Variants in CNTNAP2 observed in about 807,000 individuals in gnomAD.
CNTNAP2 encodes the protein contactin-associated protein-like 2.
In CNTNAP2, 98 loss-of-function variants were observed where a neutral mutation model predicts 155.2. That is an observed-to-expected ratio of 0.63 (90% confidence interval 0.54 to 0.75). CNTNAP2 has a LOEUF of 0.75. Ranked by LOEUF, CNTNAP2 falls within the 30% of genes least tolerant of loss-of-function variation. The pLI is 0.00. For synonymous variants in CNTNAP2, 651 were observed against 631.2 expected (o/e 1.03, Z -0.47); for missense variants, 1,727 against 1,688.1 (o/e 1.02, Z -0.40).
chr7:148,331,724 T>TGGAA (rs1563045945), intron 21 of CNTNAP2, among the ~76,000 whole-genome samples: 1 of 29,688 alleles, frequency 3.4e-5, no homozygotes, highest in Admixed American at 3.3e-4. Context: ...GACGGATGGA[T>TGGAA]TGGATGGATG....
At chr7:146,727,742 G>C (rs1314281671) in intron 1 of CNTNAP2, among the ~76,000 whole-genome samples, 1 of 152,134 alleles carries the variant, frequency 6.6e-6, no homozygotes, top group African/African-American at 2.4e-5. Context: ...TTATAGAAGC[G>C]TATGTGTAAT....
At chr7:146,536,064 T>C (rs1797864459) in intron 1 of CNTNAP2, among the ~76,000 whole-genome samples, 1 of 152,136 alleles carries the variant, frequency 6.6e-6, no homozygotes, top group African/African-American at 2.4e-5. Context: ...TATTTTCTCC[T>C]TTCTCCCTCA....
chr7:147,883,920 G>A (rs1799563983), intron 13 of CNTNAP2, among the ~76,000 whole-genome samples: 1 of 151,928 alleles, frequency 6.6e-6, no homozygotes, highest in Non-Finnish European at 1.5e-5. Flanking sequence ...CTAGTGGGAG[G>A]GGACAAAATA....
intron 2 of CNTNAP2, among the ~76,000 whole-genome samples, chr7:146,812,012 T>C (rs1449646581): frequency 6.6e-6 from 1 of 152,154 alleles, no homozygotes; most frequent in Non-Finnish European, 1.5e-5. Flanking sequence ...GTCTCAGGTA[T>C]GTCTTTATTG....
rs370131860 is a variant in CNTNAP2, at chr7:148,210,107, A to T, written c.3011-7181A>T. ...ATTAAAAAGACTGAGTGCTAGCCAG[A>T]GGAAAATAGAGGTTCAGGGTAGGGG... On this transcript the variant is annotated intron_variant, in intron 18 of 23. Transcript: ENST00000361727. Among the ~76,000 whole-genome samples, 5 of 151,968 alleles carry T rather than the reference A, an allele frequency of 3.3e-5. No homozygotes were observed. In the East Asian group the frequency reaches 9.6e-4, roughly 29 times the overall value.
chr7:147,880,966 G>C (rs1321924006), intron 13 of CNTNAP2, among the ~76,000 whole-genome samples: 1 of 151,104 alleles, frequency 6.6e-6, no homozygotes, highest in Non-Finnish European at 1.5e-5. Flanking sequence ...AAATAATAAT[G>C]TACATCTCCT....
At chr7:146,700,528 T>A (rs932339358) in intron 1 of CNTNAP2, among the ~76,000 whole-genome samples, 3 of 152,086 alleles carry the variant, frequency 2.0e-5, no homozygotes, top group Non-Finnish European at 4.4e-5. Flanking sequence ...CTAAAGGCAT[T>A]GTACATGTAT....
chr7:147,473,178 G>A (rs1798258096), intron 10 of CNTNAP2, among the ~76,000 whole-genome samples: 1 of 152,182 alleles, frequency 6.6e-6, no homozygotes, highest in East Asian at 1.9e-4. Flanking sequence ...GTTGACTGAA[G>A]TGTTAAGAGC....
intron 3 of CNTNAP2, among the ~76,000 whole-genome samples, chr7:146,903,729 G>T (rs1014181097): frequency 6.6e-6 from 1 of 152,266 alleles, no homozygotes; most frequent in South Asian, 2.1e-4. Context: ...GAAAGGATGG[G>T]CAAAGAGAAG....
intron 1 of CNTNAP2, among the ~76,000 whole-genome samples, chr7:146,372,615 G>C (rs547813661): frequency 6.6e-6 from 1 of 151,874 alleles, no homozygotes; most frequent in Non-Finnish European, 1.5e-5. Flanking sequence ...AAAGAGGCGA[G>C]TAAGAGGCGA....
chr7:146,574,232 A>AT (rs1226488618), intron 1 of CNTNAP2, among the ~76,000 whole-genome samples: 1 of 151,878 alleles, frequency 6.6e-6, no homozygotes, highest in African/African-American at 2.4e-5. Flanking sequence ...AATAACACGC[A>AT]TTTTTCTTCA....
At chr7:148,280,975 A>G (rs1327739616) in intron 21 of CNTNAP2, among the ~76,000 whole-genome samples, 1 of 152,046 alleles carries the variant, frequency 6.6e-6, no homozygotes, top group Non-Finnish European at 1.5e-5. Context: ...GACCAAGTCC[A>G]CCTTCTTCTG....
chr7:147,646,361 T>C (rs1584877461), intron 13 of CNTNAP2, among the ~76,000 whole-genome samples: 1 of 152,210 alleles, frequency 6.6e-6, no homozygotes, highest in Non-Finnish European at 1.5e-5. Context: ...GGTTTTTATG[T>C]GATCTGTGAT....
At chr7:147,115,787 C>A (rs1342681191) in intron 5 of CNTNAP2, among the ~76,000 whole-genome samples, 2 of 152,034 alleles carry the variant, frequency 1.3e-5, no homozygotes, top group Non-Finnish European at 2.9e-5. Flanking sequence ...TTGTTATTAC[C>A]CACCTTCTGC....
rs988651345 is a variant in CNTNAP2 at position 146,659,165 on chromosome 7, A to G, written c.98-115106A>G. 4.6e-5 allele frequency among the ~76,000 whole-genome samples: 7 copies of G among 152,330 alleles called. No homozygotes were observed. The East Asian group carries it at 1.4e-3, about 29-fold the overall frequency. ...TAGAAATTTTAGTTTTCTTATTCTC[A>G]GTGATTAAAGAAAAGGGCGCAGAGA... On this transcript the variant is annotated intron_variant, in intron 1 of 23. Transcript: ENST00000361727.
intron 4 of CNTNAP2, among the ~76,000 whole-genome samples, chr7:147,086,877 C>G (rs145662150): frequency 6.6e-6 from 1 of 152,252 alleles, no homozygotes; most frequent in East Asian, 1.9e-4. Context: ...CAAGATGAAA[C>G]TTCAGAAAAG....
At chr7:146,183,949 T>C (rs1798586357) in intron 1 of CNTNAP2, among the ~76,000 whole-genome samples, 1 of 152,208 alleles carries the variant, frequency 6.6e-6, no homozygotes, top group Non-Finnish European at 1.5e-5. Flanking sequence ...GGCTCTTTAC[T>C]TTGGGCACAG....
At chr7:146,771,635 C>T (rs1802294292) in intron 1 of CNTNAP2, among the ~76,000 whole-genome samples, 1 of 152,124 alleles carries the variant, frequency 6.6e-6, no homozygotes, top group Non-Finnish European at 1.5e-5. Context: ...TTCACAGAGG[C>T]ACGCAGTATA....
chr7:146,811,936 C>T (rs934705703), intron 2 of CNTNAP2, among the ~76,000 whole-genome samples: 24 of 152,246 alleles, frequency 1.6e-4, no homozygotes, highest in Admixed American at 1.4e-3. Context: ...TTGTAAGTTT[C>T]TTGAGGCCTC....
Sources: gnomAD v4.1 joint callset for allele counts (sites outside exome capture counted in the v4.1 genomes callset) on GRCh38, gnomAD v4.1.1 for gene constraint, MANE v1.5 for transcripts, NCBI Gene and HGNC (gene_info 2026-07-23, HGNC 2026-07-21) for gene names.